OR10J1: variants seen among roughly 807,000 people sequenced by gnomAD.
OR10J1 encodes olfactory receptor family 10 subfamily J member 1, also known as olfactory receptor 10J1.
For synonymous variants in OR10J1, 202 were observed against 143.8 expected (o/e 1.40, Z -2.89); for missense variants, 474 against 376.6 (o/e 1.26, Z -2.14).
the OR10J1 span, among the ~76,000 whole-genome samples, chr1:159,410,771 G>A: frequency 4.3e-4 from 64 of 150,362 alleles, no homozygotes; most frequent in African/African-American, 1.5e-3. Context: ...TGCTTTTCTA[G>A]TTCTTTTAAT....
the OR10J1 span, among the ~76,000 whole-genome samples, chr1:159,425,371 T>C: frequency 6.6e-6 from 1 of 151,856 alleles, no homozygotes; most frequent in African/African-American, 2.4e-5. Context: ...TTCAGGAGAG[T>C]AAAGAACTTC....
At chr1:159,438,206 G>C (rs1434488698), upstream of OR10J1, among the ~76,000 whole-genome samples, 1 of 152,206 alleles carries the variant, frequency 6.6e-6, no homozygotes, top group Non-Finnish European at 1.5e-5. Context: ...TTCCAAGAGT[G>C]GGGAGGATGC....
At chr1:159,427,754 C>T in the OR10J1 span, among the ~76,000 whole-genome samples, 1 of 151,982 alleles carries the variant, frequency 6.6e-6, no homozygotes, top group Non-Finnish European at 1.5e-5. Context: ...AATTGCAAAC[C>T]TTTCATACCA....
upstream of OR10J1, among the ~76,000 whole-genome samples, chr1:159,438,877 G>GT (rs558061699): frequency 1.2e-4 from 19 of 152,214 alleles, no homozygotes; most frequent in East Asian, 3.3e-3. Context: ...TGGTGTAGCT[G>GT]TTTTTTTATA....
At chr1:159,397,884 A>C in the OR10J1 span, among the ~76,000 whole-genome samples, 16,722 of 152,184 alleles carry the variant, frequency 0.11, 1,154 homozygotes, top group Admixed American at 0.15. Context: ...GTGATTATAG[A>C]GCCCCAGGGC....
chr1:159,419,014 A>G, the OR10J1 span, among the ~76,000 whole-genome samples: 1 of 152,088 alleles, frequency 6.6e-6, no homozygotes. Flanking sequence ...ATTTAGAATG[A>G]GTGTATTTAC....
At chr1:159,414,609 C>A in the OR10J1 span, among the ~76,000 whole-genome samples, 1 of 152,094 alleles carries the variant, frequency 6.6e-6, no homozygotes, top group Admixed American at 6.6e-5. Context: ...ATATACCCAA[C>A]AGCAGAATTG....
At chr1:159,429,918 A>G in the OR10J1 span, among the ~76,000 whole-genome samples, 2 of 152,098 alleles carry the variant, frequency 1.3e-5, no homozygotes, top group African/African-American at 4.8e-5. Flanking sequence ...CCACAGTACA[A>G]TGGGAGTCCT....
At chr1:159,429,237 G>A in the OR10J1 span, among the ~76,000 whole-genome samples, 2 of 152,228 alleles carry the variant, frequency 1.3e-5, no homozygotes, top group African/African-American at 2.4e-5. Context: ...CAGGTGTAGT[G>A]TTCCCAGTTT....
the OR10J1 span, among the ~76,000 whole-genome samples, chr1:159,419,627 T>C: frequency 6.6e-6 from 1 of 152,322 alleles, no homozygotes; most frequent in Admixed American, 6.5e-5. Flanking sequence ...AAATTACATG[T>C]ATTTGTACAG....
rs754901835 is a variant in OR10J1, at chr1:159,440,743, G to A, written c.*22G>A. The A allele has an allele frequency of 1.6e-5, 26 of 1,594,280 alleles. No individual in the cohort carries two copies. Among genetic ancestry groups the A allele is most frequent in the Non-Finnish European group, 2.2e-5 (26 of 1,167,628 alleles). On this transcript the variant is annotated 3_prime_UTR_variant, in exon 1 of 1. Transcript: ENST00000423932. ...CTGACCATGTAGGAAGAGTTCTCCT[G>A]AGGCTGTCAACATCCACACTAGGCA...
In OR10J1 at chr1:159,440,543, A is replaced by G. The variant is rs1655912662; in HGVS notation, c.752A>G (p.Tyr251Cys). Residue 251 changes from tyrosine (Y) to cysteine (C), a missense_variant, in exon 1 of 1, where the codon TAC becomes TGC. Physicochemically the swap from Tyr to Cys is radical, Grantham distance 194. Transcript: ENST00000423932. ...CACCTCACTGTGGTCATTGTCCACT[A>G]CAGCTGTGCCTCCATTGCCTACCTC... ...ASHLTVVIVHYSCASIAYLKP... is the reference protein window; with the variant it reads ...ASHLTVVIVHCSCASIAYLKP... 1 of 1,614,026 alleles carries G rather than the reference A, an allele frequency of 6.2e-7. No homozygotes were observed. The highest frequency in any genetic ancestry group is 1.3e-5 in the African/African-American group (1 of 74,992).
chr1:159,404,205 G>A, the OR10J1 span, among the ~76,000 whole-genome samples: 1 of 152,064 alleles, frequency 6.6e-6, no homozygotes, highest in Non-Finnish European at 1.5e-5. Flanking sequence ...AGCACAACAG[G>A]ATGACTATAG....
the OR10J1 span, among the ~76,000 whole-genome samples, chr1:159,417,413 T>C: frequency 2.0e-5 from 3 of 152,130 alleles, no homozygotes; most frequent in East Asian, 1.9e-4. Context: ...GGGAGAAACA[T>C]GGTGAGAGGT....
the OR10J1 span, among the ~76,000 whole-genome samples, chr1:159,427,807 A>G: frequency 6.6e-6 from 1 of 152,146 alleles, no homozygotes; most frequent in Non-Finnish European, 1.5e-5. Context: ...CCAATAATGG[A>G]TAGATGAAAA....
At chr1:159,412,996 A>G in the OR10J1 span, among the ~76,000 whole-genome samples, 1 of 152,146 alleles carries the variant, frequency 6.6e-6, no homozygotes, top group African/African-American at 2.4e-5. Flanking sequence ...TACAAGAAAA[A>G]AACAAACAAC....
chr1:159,440,918 T>G lies in OR10J1; in HGVS notation c.*197T>G. On this transcript the variant is annotated 3_prime_UTR_variant, in exon 1 of 1. Coordinates refer to ENST00000423932, the MANE Select transcript of OR10J1 (RefSeq NM_012351.3). The stretch of plus-strand genomic sequence containing the variant: ...GGAGTGTTATCCCTATTTTTGGGGA[T>G]AAATAGACAAACAAGGATAAGATAT... 1.8e-6 allele frequency: 1 copy of G among 547,000 alleles called. No individual in the cohort carries two copies. 33.9% of individuals were successfully genotyped at this position (547,000 alleles called of 1,614,324 possible). A position where few individuals can be genotyped will look rare whatever the true frequency, so the allele number is the denominator to read the frequency against.
the OR10J1 span, chr1:159,432,168 T>C: frequency 8.2e-5 from 33 of 400,486 alleles, no homozygotes; most frequent in South Asian, 1.3e-3. Context: ...TGCTCAACAT[T>C]CCCACTTCAT....
chr1:159,434,622 A>C (rs953295877), upstream of OR10J1, among the ~76,000 whole-genome samples: 4 of 152,164 alleles, frequency 2.6e-5, no homozygotes, highest in African/African-American at 9.7e-5. Context: ...GATAGAGTAC[A>C]GGCTTTGAAC....
Sources: allele counts gnomAD v4.1 joint callset (sites outside exome capture counted in the v4.1 genomes callset), GRCh38; gene constraint gnomAD v4.1.1; transcripts MANE v1.5; gene names NCBI Gene and HGNC (gene_info 2026-07-23, HGNC 2026-07-21).